Variants in RHCE observed in about 807,000 individuals in gnomAD.
RHCE encodes blood group Rh(CE) polypeptide.
RHCE carries 22 observed loss-of-function variants against 43.8 expected under a neutral mutation model. The observed-to-expected ratio is 0.50, with a 90% CI of 0.36 to 0.72. The LOEUF is 0.72. RHCE is among the 30% of genes least tolerant of loss of function. RHCE has a pLI of 0.00. For missense variants in RHCE, 385 were observed against 525.4 expected, an observed-to-expected ratio of 0.73 and a Z score of 2.61; for synonymous variants, 156 against 210.7, an observed-to-expected ratio of 0.74 and a Z score of 2.25.
At chr1:25,378,568 T>A (rs1405657288) in intron 7 of RHCE, among the ~76,000 whole-genome samples, 2 of 152,244 alleles carry the variant, frequency 1.3e-5, no homozygotes, top group East Asian at 1.9e-4. Flanking sequence ...TTATCTCGTT[T>A]TCTTGCAAGT....
chr1:25,362,752 C>G (rs575365390), intron 9 of RHCE, among the ~76,000 whole-genome samples, 199 bp from the exon 10 acceptor site: 2 of 31,178 alleles, frequency 6.4e-5, no homozygotes, highest in East Asian at 1.2e-3. Flanking sequence ...GGCCATCTGG[C>G]TTTTATTTGA....
intron 6 of RHCE, among the ~76,000 whole-genome samples, chr1:25,387,740 G>T (rs149541801): frequency 0.01 from 1,554 of 152,002 alleles, 28 homozygotes; most frequent in African/African-American, 0.035. Flanking sequence ...ATTTTTTAAT[G>T]ACCTCCAGTT....
chr1:25,404,393 C>A (rs912485931), intron 2 of RHCE, among the ~76,000 whole-genome samples: 6 of 142,942 alleles, frequency 4.2e-5, no homozygotes, highest in African/African-American at 1.6e-4. Flanking sequence ...AGACTATGCC[C>A]GCTTAAGCCT....
chr1:25,400,995 T>G (rs585488), intron 3 of RHCE, among the ~76,000 whole-genome samples: 1 of 151,922 alleles, frequency 6.6e-6, no homozygotes, highest in African/African-American at 2.4e-5. Flanking sequence ...CCATCACTGC[T>G]GCTCTGGTCT....
At chr1:25,378,503 G>A (rs1332410602) in intron 7 of RHCE, among the ~76,000 whole-genome samples, 2 of 152,270 alleles carry the variant, frequency 1.3e-5, no homozygotes, top group South Asian at 2.1e-4. Context: ...TTAGATTCTC[G>A]ATTTGTCTAT....
Position 25,379,081 on chromosome 1 carries a change from A to C in RHCE, c.1074-3653T>G, listed in dbSNP as rs1473029257. On this transcript the variant is annotated intron_variant, in intron 7 of 9. Coordinates refer to ENST00000294413, the MANE Select transcript of RHCE (RefSeq NM_020485.8). ...CCACAGAATGGGTAATTTATAAAAT[A>C]ATTATATATAGCTCATGGTTCTGGA... is the stretch of plus-strand genomic sequence containing the variant. Among the ~76,000 whole-genome samples, 5 of 152,254 alleles carry C rather than the reference A, an allele frequency of 3.3e-5. 1 individual carries two copies. The highest frequency in any genetic ancestry group is 3.3e-4 in the Admixed American group (5 of 15,286).
At chr1:25,405,390 C>T (rs1332020401) in intron 2 of RHCE, among the ~76,000 whole-genome samples, 4 of 152,152 alleles carry the variant, frequency 2.6e-5, no homozygotes, top group African/African-American at 7.2e-5. Context: ...CAGTGGCTCA[C>T]GCCTGTAATC....
intron 1 of RHCE, among the ~76,000 whole-genome samples, chr1:25,412,862 T>C (rs1010193475): frequency 6.7e-6 from 1 of 149,272 alleles, no homozygotes; most frequent in Non-Finnish European, 1.5e-5. Context: ...CCGTCTCTAC[T>C]AAAAATACAA....
At chr1:25,412,578 G>T (rs1320260419) in intron 1 of RHCE, among the ~76,000 whole-genome samples, 1 of 152,032 alleles carries the variant, frequency 6.6e-6, no homozygotes, top group African/African-American at 2.4e-5. Context: ...TGGGCGTGGT[G>T]GCAAGTGCCT....
intron 2 of RHCE, among the ~76,000 whole-genome samples, chr1:25,428,481 G>A (rs2042821337): frequency 6.6e-6 from 1 of 152,238 alleles, no homozygotes; most frequent in Non-Finnish European, 1.5e-5. Context: ...AGGCCTTGGT[G>A]AAACTTTGAG....
At chr1:25,409,859 G>C (rs888794291) in intron 1 of RHCE, among the ~76,000 whole-genome samples, 1 of 151,666 alleles carries the variant, frequency 6.6e-6, no homozygotes, top group Admixed American at 6.6e-5. Context: ...AAGGCACAGA[G>C]GCGTTATGTA....
At position 25,408,821 on chromosome 1, in the gene RHCE, G is replaced by A; in HGVS notation, c.197C>T (p.Thr66Ile). The A allele has an allele frequency of 7.8e-7, 1 of 1,283,166 alleles. No homozygotes were observed. Among genetic ancestry groups the A allele is most frequent in the Admixed American group, 2.3e-5 (1 of 43,254 alleles). The allele number at this position is 1,283,166 out of a possible 1,614,324, so 79.5% of individuals were successfully genotyped here. The change falls in exon 2 of 10, where the codon ACC becomes ATC. Residue 66 changes from threonine (T) to isoleucine (I), a missense_variant. Physicochemically the swap from Thr to Ile is moderately conservative, Grantham distance 89 (BLOSUM62 -1). Coordinates refer to ENST00000294413, the MANE Select transcript of RHCE (RefSeq NM_020485.8). The stretch of plus-strand genomic sequence containing the variant: ...CCAGCTGTGTCTCCGGAAATTTGAG[G>A]TGAGGAAGCCCAAGCCAAGGGCCGC... The part of the protein sequence containing the change: ...VMAALGLGFL[T>I]SNFRRHSWSS...
chr1:25,376,003 C>G (rs3091300), intron 7 of RHCE, among the ~76,000 whole-genome samples: 438 of 152,010 alleles, frequency 2.9e-3, no homozygotes, highest in African/African-American at 5.6e-3. Context: ...GTTGACCAGG[C>G]TGAACTCGAA....
chr1:25,386,552 G>A (rs1173286369), intron 6 of RHCE, among the ~76,000 whole-genome samples: 2 of 152,200 alleles, frequency 1.3e-5, no homozygotes, highest in Non-Finnish European at 2.9e-5. Flanking sequence ...CGGGCACGGT[G>A]GCTCATGCCT....
intron 1 of RHCE, 64 bp downstream of exon 1, chr1:25,420,575 T>G: frequency 6.2e-7 from 1 of 1,613,780 alleles, no homozygotes; most frequent in Non-Finnish European, 8.5e-7. Flanking sequence ...TGGAGAACCA[T>G]AGGCCTCCCC....
chr1:25,383,162 C>G (rs1215663399), intron 7 of RHCE, among the ~76,000 whole-genome samples: 1 of 152,196 alleles, frequency 6.6e-6, no homozygotes, highest in African/African-American at 2.4e-5. Flanking sequence ...GTATCTGCAA[C>G]TGCATGATTC....
At chr1:25,401,524 C>T (rs1210551713) in intron 3 of RHCE, among the ~76,000 whole-genome samples, 2 of 152,146 alleles carry the variant, frequency 1.3e-5, no homozygotes, top group African/African-American at 4.8e-5. Context: ...CACTCAGGGT[C>T]AGGGTTACAG....
At chr1:25,411,533 C>T in intron 1 of RHCE, 1 of 1,462,542 alleles carries the variant, frequency 6.8e-7, no homozygotes, top group Non-Finnish European at 9.2e-7. Context: ...CTGACACCAC[C>T]AGGATATAGG....
chr1:25,423,953 C>T (rs1268871092), upstream of RHCE, among the ~76,000 whole-genome samples: 5 of 152,318 alleles, frequency 3.3e-5, no homozygotes, highest in Middle Eastern at 3.4e-3. Context: ...TGGCCTCCGA[C>T]GTACGGTGGT....
Sources: gnomAD v4.1 joint callset for allele counts (sites outside exome capture counted in the v4.1 genomes callset) on GRCh38, gnomAD v4.1.1 for gene constraint, MANE v1.5 for transcripts, NCBI Gene and HGNC (gene_info 2026-07-23, HGNC 2026-07-21) for gene names.